ITFG1: variants seen among roughly 807,000 people sequenced by gnomAD.
ITFG1 encodes T-cell immunomodulatory protein.
ITFG1 carries 34 observed loss-of-function variants against 81.8 expected under a neutral mutation model. The ratio of observed to expected loss-of-function variants is 0.42; its 90% CI spans 0.32 to 0.55. The LOEUF (loss-of-function observed/expected upper bound fraction) is 0.55. ITFG1 is among the 20% of genes least tolerant of loss of function. The probability of loss-of-function intolerance (pLI) is 0.17; values close to 1 mark genes in which losing one functional copy is unlikely to be tolerated. For synonymous variants in ITFG1, 285 were observed against 270.6 expected, an observed-to-expected ratio of 1.05 and a Z score of -0.52; for missense variants, 672 against 755.4, an observed-to-expected ratio of 0.89 and a Z score of 1.29.
intron 10 of ITFG1, among the ~76,000 whole-genome samples, chr16:47,277,382 C>T (rs771266416): frequency 1.2e-4 from 18 of 152,142 alleles, no homozygotes; most frequent in Non-Finnish European, 2.6e-4. Context: ...CCATAGTCAG[C>T]CCTTTGGGGT....
intron 8 of ITFG1, among the ~76,000 whole-genome samples, chr16:47,351,358 C>A (rs1267258546): frequency 4.6e-5 from 7 of 152,210 alleles, no homozygotes; most frequent in Non-Finnish European, 8.8e-5. Flanking sequence ...GCAACTTCAG[C>A]AAAGTCTCAG....
chr16:47,382,922 A>C (rs998848041), intron 6 of ITFG1, among the ~76,000 whole-genome samples: 16 of 152,216 alleles, frequency 1.1e-4, no homozygotes, highest in African/African-American at 3.4e-4. Flanking sequence ...TTGAATTGTT[A>C]GGAGAAATGT....
At chr16:47,433,073 A>T (rs541105445) in intron 5 of ITFG1, among the ~76,000 whole-genome samples, 2 of 152,294 alleles carry the variant, frequency 1.3e-5, no homozygotes, top group South Asian at 4.1e-4. Flanking sequence ...ATTCCCTACA[A>T]ATTTTTTAGT....
In ITFG1 at chr16:47,215,867, C is replaced by T. The variant is rs185360017; in HGVS notation, c.1453+3001G>A. ...TTTTATTTTTGTTTTCAGTGTTCTGCCATGAAAATTTATGCATTCATTTGA... is the reference window on the plus strand; with the variant it reads ...TTTTATTTTTGTTTTCAGTGTTCTGTCATGAAAATTTATGCATTCATTTGA... On this transcript the variant is annotated intron_variant, in intron 14 of 17. Transcript: ENST00000320640. Among the ~76,000 whole-genome samples, 295 of 151,938 alleles carry T rather than the reference C, an allele frequency of 1.9e-3. 1 individual carries two copies. The highest frequency in any genetic ancestry group is 3.6e-3 in the Non-Finnish European group (246 of 67,948).
At chr16:47,437,701 G>C (rs1380450115) in intron 5 of ITFG1, among the ~76,000 whole-genome samples, 2 of 152,094 alleles carry the variant, frequency 1.3e-5, no homozygotes, top group Non-Finnish European at 2.9e-5. Context: ...ATAATAAAAT[G>C]TAAGGAGTTG....
chr16:47,243,808 A>C (rs900431541), intron 12 of ITFG1, among the ~76,000 whole-genome samples: 6 of 152,210 alleles, frequency 3.9e-5, no homozygotes, highest in African/African-American at 1.4e-4. Context: ...TGGGAGGCCA[A>C]GGTGGGTGGA....
At chr16:47,277,072 T>C (rs897594620) in intron 10 of ITFG1, among the ~76,000 whole-genome samples, 8 of 152,180 alleles carry the variant, frequency 5.3e-5, no homozygotes, top group African/African-American at 1.9e-4. Context: ...TTCTCTCCCA[T>C]TTTGTTTTGT....
chr16:47,178,687 C>T (rs1334244058), intron 14 of ITFG1, among the ~76,000 whole-genome samples: 1 of 152,162 alleles, frequency 6.6e-6, no homozygotes, highest in Non-Finnish European at 1.5e-5. Context: ...ATGTCTAAAA[C>T]ACCAAAAGCA....
chr16:47,297,593 TACTC>T (rs1332422305), intron 10 of ITFG1, among the ~76,000 whole-genome samples: 2 of 152,070 alleles, frequency 1.3e-5, no homozygotes, highest in African/African-American at 4.8e-5. Context: ...TTATCAAGCT[TACTC>T]TACCAGGATA....
intron 5 of ITFG1, chr16:47,450,435 C>T (rs1307216531): frequency 1.7e-5 from 7 of 420,166 alleles, no homozygotes; most frequent in Admixed American, 2.9e-5. Flanking sequence ...AGAGATGGGG[C>T]GCGTTCAGGG....
chr16:47,377,826 C>A (rs141180109), intron 6 of ITFG1, among the ~76,000 whole-genome samples: 27 of 152,282 alleles, frequency 1.8e-4, no homozygotes, highest in Non-Finnish European at 2.9e-4. Flanking sequence ...TCTATCCCTG[C>A]TGTTTCTATG....
intron 6 of ITFG1, among the ~76,000 whole-genome samples, chr16:47,415,157 GT>G (rs1186064924): frequency 6.6e-6 from 1 of 152,158 alleles, no homozygotes; most frequent in East Asian, 1.9e-4. Context: ...ATATTCCATT[GT>G]TGGACAAGAA....
intron 6 of ITFG1, among the ~76,000 whole-genome samples, chr16:47,389,197 G>T (rs193060788): frequency 4.1e-4 from 62 of 152,190 alleles, no homozygotes; most frequent in African/African-American, 1.5e-3. Context: ...AAGTTGCTCA[G>T]GATGAAAGCA....
intron 14 of ITFG1, among the ~76,000 whole-genome samples, chr16:47,217,066 A>T (rs1190678004): frequency 6.6e-6 from 1 of 152,208 alleles, no homozygotes; most frequent in Admixed American, 6.5e-5. Context: ...TTGTATCTTT[A>T]TACAAAATAG....
chr16:47,332,008 A>C (rs2151574124), intron 8 of ITFG1, among the ~76,000 whole-genome samples: 1 of 152,210 alleles, frequency 6.6e-6, no homozygotes, highest in South Asian at 2.1e-4. Flanking sequence ...CCTTGTCTTT[A>C]AGAAGCTCAT....
chr16:47,285,158 G>A (rs978611082), intron 10 of ITFG1, among the ~76,000 whole-genome samples: 2 of 152,086 alleles, frequency 1.3e-5, no homozygotes, highest in Non-Finnish European at 2.9e-5. Flanking sequence ...TCACGCTAAT[G>A]TTCCTTTCTG....
intron 10 of ITFG1, among the ~76,000 whole-genome samples, chr16:47,262,450 C>T (rs112833080): frequency 4.2e-4 from 64 of 152,302 alleles, no homozygotes; most frequent in African/African-American, 1.4e-3. Context: ...AGATGTAGCA[C>T]ACTCTGTTAT....
At chr16:47,271,660 C>A (rs1188836732) in intron 10 of ITFG1, among the ~76,000 whole-genome samples, 1 of 152,122 alleles carries the variant, frequency 6.6e-6, no homozygotes, top group Non-Finnish European at 1.5e-5. Flanking sequence ...GAGATTGAGA[C>A]CATCTGGCTA....
rs374563794 is a variant in ITFG1, at chr16:47,373,832, T to C, written c.720+2044A>G. Among the ~76,000 whole-genome samples the C allele has an allele frequency of 2.6e-5, 4 of 152,352 alleles. No homozygotes were observed. In the East Asian group the frequency reaches 7.7e-4, roughly 29 times the overall value. On this transcript the variant is annotated intron_variant, in intron 7 of 17. Coordinates refer to ENST00000320640, the MANE Select transcript of ITFG1 (RefSeq NM_030790.5). ...TCATTCTTCTACTGGCTAATGTGGTTTTATAGGTTTTGAGGTTTTTTTGGC... is the reference window on the plus strand; with the variant it reads ...TCATTCTTCTACTGGCTAATGTGGTCTTATAGGTTTTGAGGTTTTTTTGGC...
Sources: allele counts gnomAD v4.1 joint callset (sites outside exome capture counted in the v4.1 genomes callset), GRCh38; gene constraint gnomAD v4.1.1; transcripts MANE v1.5; gene names NCBI Gene and HGNC (gene_info 2026-07-23, HGNC 2026-07-21).